SLC24A4: variants seen among roughly 807,000 people sequenced by gnomAD.
SLC24A4 encodes the protein sodium/potassium/calcium exchanger 4.
In SLC24A4, 53 loss-of-function variants were observed where a neutral mutation model predicts 79.0. The ratio of observed to expected loss-of-function variants is 0.67; its 90% CI spans 0.54 to 0.84. The LOEUF (loss-of-function observed/expected upper bound fraction) is 0.84, where lower values mean the gene tolerates loss of function less well. SLC24A4 is among the 40% of genes least tolerant of loss of function. SLC24A4 has a pLI of 0.00. For missense variants in SLC24A4, 731 were observed against 822.0 expected (o/e 0.89, Z 1.35); for synonymous variants, 323 against 323.8 (o/e 1.00, Z 0.03).
chr14:92,351,570 A>G (rs1043599723), intron 2 of SLC24A4, among the ~76,000 whole-genome samples: 1 of 152,226 alleles, frequency 6.6e-6, no homozygotes, highest in African/African-American at 2.4e-5. Context: ...TGAAAGGTGC[A>G]GGCAGGCCGG....
intron 2 of SLC24A4, among the ~76,000 whole-genome samples, chr14:92,381,624 G>A (rs1888856945): frequency 6.6e-6 from 1 of 151,998 alleles, no homozygotes; most frequent in African/African-American, 2.4e-5. Context: ...AAAAATTAAG[G>A]AGAAAAAAAG....
intron 2 of SLC24A4, among the ~76,000 whole-genome samples, chr14:92,418,102 G>T (rs12431433): frequency 0.34 from 51,904 of 152,096 alleles, 9,065 homozygotes; most frequent in Non-Finnish European, 0.35. Context: ...TCAGGCCCTA[G>T]CACTAAATCC....
At chr14:92,448,899 G>A (rs1445374757) in intron 9 of SLC24A4, among the ~76,000 whole-genome samples, 175 bp from the exon 10 acceptor site, 1 of 152,146 alleles carries the variant, frequency 6.6e-6, no homozygotes, top group African/African-American at 2.4e-5. Context: ...ATGCTCCCAG[G>A]TCCCTGTCAG....
chr14:92,369,090 C>T (rs1477867620), intron 2 of SLC24A4, among the ~76,000 whole-genome samples: 4 of 152,296 alleles, frequency 2.6e-5, no homozygotes, highest in East Asian at 1.9e-4. Context: ...ACAATGAGGC[C>T]GTCAGCCCTA....
chr14:92,443,431 G>C lies in SLC24A4; in HGVS notation c.614G>C (p.Arg205Pro). The C allele has an allele frequency of 6.2e-7, 1 of 1,614,142 alleles. No individual in the cohort carries two copies. The highest frequency in any genetic ancestry group is 8.5e-7 in the Non-Finnish European group (1 of 1,180,016). ...VVRLTWWAVC[R>P]DSVYYTISVI... ...CGTCTGACGTGGTGGGCCGTGTGCC[G>C]AGACTCCGTGTACTACACCATCTCT... The change falls in exon 7 of 17, where the codon CGA becomes CCA. Residue 205 changes from arginine (R) to proline (P), a missense_variant. Coordinates refer to ENST00000532405, the MANE Select transcript of SLC24A4 (RefSeq NM_153646.4).
intron 2 of SLC24A4, among the ~76,000 whole-genome samples, chr14:92,400,384 A>G (rs1362259564): frequency 3.4e-5 from 5 of 146,514 alleles, no homozygotes; most frequent in Non-Finnish European, 7.4e-5. Context: ...GGTTGCAGTG[A>G]GCCGAGATCG....
intron 2 of SLC24A4, among the ~76,000 whole-genome samples, chr14:92,365,467 G>A (rs571878346): frequency 1.3e-5 from 2 of 152,178 alleles, no homozygotes; most frequent in Non-Finnish European, 1.5e-5. Flanking sequence ...CCCAATCCCC[G>A]GGGACCGACC....
In SLC24A4 at chr14:92,442,763, G is replaced by C; in HGVS notation, c.529G>C (p.Ala177Pro). The C allele has an allele frequency of 6.2e-7, 1 of 1,614,192 alleles. No individual in the cohort carries two copies. The highest frequency in any genetic ancestry group is 1.3e-5 in the African/African-American group (1 of 75,070). ...CGGGGTGGGCACCATCGTGGGCTCT[G>C]CTGTGTTCAACATCCTGTGCATAAT... ...DVGVGTIVGS[A>P]VFNILCIIGV... Residue 177 changes from alanine to proline, a missense_variant, in exon 6 of 17, where the codon GCT becomes CCT. By Grantham distance (27) the Ala-to-Pro change is conservative (BLOSUM62 -1). Transcript: ENST00000532405.
chr14:92,475,110 G>A (rs754002000), intron 12 of SLC24A4, among the ~76,000 whole-genome samples: 26 of 151,804 alleles, frequency 1.7e-4, no homozygotes, highest in Non-Finnish European at 3.1e-4. Flanking sequence ...AGTCCCCAGT[G>A]TACTGTTGTC....
chr14:92,332,492 C>T (rs182744420), intron 2 of SLC24A4, among the ~76,000 whole-genome samples: 2 of 152,160 alleles, frequency 1.3e-5, no homozygotes, highest in African/African-American at 2.4e-5. Context: ...AGAGGGAGAC[C>T]CTGTCTCTCA....
chr14:92,396,145 C>G (rs1353707201), intron 2 of SLC24A4, among the ~76,000 whole-genome samples: 2 of 152,194 alleles, frequency 1.3e-5, no homozygotes, highest in Non-Finnish European at 1.5e-5. Context: ...TTAATTGCTG[C>G]TCTTCTTGCC....
intron 2 of SLC24A4, among the ~76,000 whole-genome samples, chr14:92,359,118 C>T (rs1001422819): frequency 1.3e-5 from 2 of 152,162 alleles, no homozygotes; most frequent in Non-Finnish European, 2.9e-5. Flanking sequence ...CTAAGGAAGT[C>T]CTCTATCCTA....
rs1178265009 is a variant in SLC24A4, at chr14:92,442,071, T to C, written c.394-18T>C. The C allele has an allele frequency of 6.2e-7, 1 of 1,608,796 alleles. No individual in the cohort carries two copies. The highest frequency in any genetic ancestry group is 1.1e-5 in the South Asian group (1 of 90,898). On this transcript the variant is annotated intron_variant, in intron 4 of 16. Transcript: ENST00000532405. ...CCCCACGTCACACCCTGAGGGTCTGTGGTCACTTCCGTTTCAGAGACTCCA... is the reference window on the plus strand; with the variant it reads ...CCCCACGTCACACCCTGAGGGTCTGCGGTCACTTCCGTTTCAGAGACTCCA...
At chr14:92,392,369 C>T (rs1889523207) in intron 2 of SLC24A4, among the ~76,000 whole-genome samples, 1 of 151,876 alleles carries the variant, frequency 6.6e-6, no homozygotes, top group African/African-American at 2.4e-5. Context: ...TGGTTTCAGC[C>T]TGGTGGGAGC....
At chr14:92,448,170 G>A (rs1173216275) in intron 9 of SLC24A4, among the ~76,000 whole-genome samples, 2 of 152,138 alleles carry the variant, frequency 1.3e-5, no homozygotes, top group Non-Finnish European at 2.9e-5. Flanking sequence ...GAGCAAAGAA[G>A]GAGGAATTAA....
At chr14:92,345,752 G>A (rs1886489477) in intron 2 of SLC24A4, among the ~76,000 whole-genome samples, 1 of 152,114 alleles carries the variant, frequency 6.6e-6, no homozygotes, top group African/African-American at 2.4e-5. Context: ...CTGAGAATGA[G>A]GGCTGGTGTT....
chr14:92,437,788 T>C (rs921356572), intron 3 of SLC24A4, among the ~76,000 whole-genome samples: 1 of 152,210 alleles, frequency 6.6e-6, no homozygotes, highest in Non-Finnish European at 1.5e-5. Context: ...TCAGGATTGT[T>C]ATTATTATTT....
chr14:92,390,539 A>G (rs552131273), intron 2 of SLC24A4, among the ~76,000 whole-genome samples: 3 of 152,320 alleles, frequency 2.0e-5, no homozygotes, highest in East Asian at 3.9e-4. Flanking sequence ...CTGAAATTTT[A>G]TTCCTTCAAA....
intron 2 of SLC24A4, among the ~76,000 whole-genome samples, chr14:92,388,823 A>C (rs932002400): frequency 3.9e-5 from 6 of 152,174 alleles, no homozygotes; most frequent in African/African-American, 1.4e-4. Flanking sequence ...TTCAGACCCC[A>C]GAGTGGCCCC....
Sources: gnomAD v4.1 joint callset for allele counts (sites outside exome capture counted in the v4.1 genomes callset) on GRCh38, gnomAD v4.1.1 for gene constraint, MANE v1.5 for transcripts, NCBI Gene and HGNC (gene_info 2026-07-23, HGNC 2026-07-21) for gene names.